Variants in TRPM1 observed in about 807,000 individuals in gnomAD.
TRPM1 encodes the protein transient receptor potential cation channel subfamily M member 1, also known as TRPM1-203 APA Isoform, Intron 10.
In TRPM1, 113 loss-of-function variants were observed where a neutral mutation model predicts 149.4. That is an observed-to-expected ratio of 0.76 (90% confidence interval 0.65 to 0.88). The LOEUF (loss-of-function observed/expected upper bound fraction) is 0.88, where lower values mean the gene tolerates loss of function less well. Among genes scored for constraint, TRPM1 ranks in the 40% least tolerant of loss-of-function variants. The pLI is 0.00. For synonymous variants in TRPM1, 741 were observed against 759.5 expected (o/e 0.98, Z 0.40); for missense variants, 1,976 against 2,038.7 (o/e 0.97, Z 0.59).
rs562954379 is a variant in TRPM1 at position 31,080,378 on chromosome 15, A to T, written c.3+975T>A. 5.9e-5 allele frequency among the ~76,000 whole-genome samples: 9 copies of T among 152,362 alleles called. No homozygotes were observed. The South Asian group carries it at 1.7e-3, about 28-fold the overall frequency. On this transcript the variant is annotated intron_variant, in intron 2 of 27. Transcript: ENST00000256552. The stretch of plus-strand genomic sequence containing the variant: ...AAGTGCACATCGCCTGTCATGGAAC[A>T]AATATTTATTATGAGGCTCTGGATA...
chr15:31,073,265 A>G (rs2034606109), intron 3 of TRPM1, among the ~76,000 whole-genome samples: 1 of 152,102 alleles, frequency 6.6e-6, no homozygotes, highest in South Asian at 2.1e-4. Context: ...GACGACTACT[A>G]TTTCGCCATT....
chr15:31,026,239 G>T lies in TRPM1; in HGVS notation c.3529C>A (p.Leu1177Met). 1 of 1,612,152 alleles carries T rather than the reference G, an allele frequency of 6.2e-7. No individual in the cohort carries two copies. The highest frequency in any genetic ancestry group is 8.5e-7 in the Non-Finnish European group (1 of 1,180,024). Residue 1177 changes from leucine (L) to methionine (M), a missense_variant, in exon 27 of 28, where the codon CTG becomes ATG. Leu to Met is a conservative substitution (Grantham distance 15). Around this residue, in one of 3 missense-constraint regions of TRPM1, gnomAD observed 572 missense variants for 578.9 expected, o/e 0.99. Transcript: ENST00000256552. The part of the protein sequence containing the change: ...LFLSDEELKR[L>M]HEFEEQCVQE... ...ACGCACTGCTCCTCGAACTCATGCA[G>T]CCTCTTTAGCTCCTCGTCGCTAAGG...
rs1323148506 is a variant in TRPM1, at chr15:31,002,156, G to T, written c.4544C>A (p.Ala1515Glu). Residue 1515 changes from alanine to glutamate, a missense_variant, in exon 28 of 28, where the codon GCA becomes GAA. Physicochemically the swap from Ala to Glu is moderately radical, Grantham distance 107. Around this residue, in one of 3 missense-constraint regions of TRPM1, gnomAD observed 572 missense variants for 578.9 expected, o/e 0.99. Transcript: ENST00000256552. ...TDIPYIVSEA[A>E]VQAEHKEQFA... is the part of the protein sequence containing the mutation. ...CTGCTCTTTATGCTCAGCTTGCACT[G>T]CAGCTTCCGACACAATGTAAGGAAT... 1 of 1,614,216 alleles carries T rather than the reference G, an allele frequency of 6.2e-7. No individual in the cohort carries two copies. Among genetic ancestry groups the T allele is most frequent in the African/African-American group, 1.3e-5 (1 of 75,062 alleles).
At chr15:31,160,818 C>A in intron 1 of TRPM1, 1 of 1,437,296 alleles carries the variant, frequency 7.0e-7, no homozygotes, top group South Asian at 1.2e-5. Flanking sequence ...ACCCGCTGGG[C>A]CAGCACTCTG....
chr15:31,111,447 T>C lies in TRPM1; in HGVS notation c.55-34463A>G, dbSNP rs1212313474. 2.0e-5 allele frequency among the ~76,000 whole-genome samples: 3 copies of C among 152,344 alleles called. No individual in the cohort carries two copies. In the East Asian group the frequency reaches 5.8e-4, roughly 29 times the overall value. ...TTCCCAAAATGTGGGTCCAATTATA[T>C]GGAAGTTGATTCGACCTTTTCTTCC... On this transcript the variant is annotated intron_variant, in intron 1 of 26. Transcript: ENST00000542188.
Position 31,110,751 on chromosome 15 carries a change from T to G in TRPM1, c.55-33767A>C, listed in dbSNP as rs2035673064. Among the ~76,000 whole-genome samples, 4 of 152,280 alleles carry G rather than the reference T, an allele frequency of 2.6e-5. No homozygotes were observed. In the South Asian group the frequency reaches 8.3e-4, roughly 32 times the overall value. On this transcript the variant is annotated intron_variant, in intron 1 of 26. Coordinates refer to the TRPM1 transcript ENST00000542188. ...GGCACAGGCCTGTGAGGACCGGCCA[T>G]GGAGTTATCAGTGGGAGGATCGAAA...
intron 7 of TRPM1, 65 bp downstream of exon 7, chr15:31,066,011 C>T: frequency 6.4e-7 from 1 of 1,571,700 alleles, no homozygotes; most frequent in Non-Finnish European, 8.7e-7. Context: ...CAATCTCCTT[C>T]TCAGCCTTGT....
chr15:31,123,340 C>T (rs2035904381), intron 1 of TRPM1, among the ~76,000 whole-genome samples: 1 of 152,084 alleles, frequency 6.6e-6, no homozygotes, highest in African/African-American at 2.4e-5. Flanking sequence ...ATAAACTTTA[C>T]TAAAATGAAA....
chr15:31,122,092 T>C (rs2035888906), intron 1 of TRPM1, among the ~76,000 whole-genome samples: 2 of 152,194 alleles, frequency 1.3e-5, no homozygotes. Flanking sequence ...CACATGATCA[T>C]ATCAATAGAT....
chr15:31,110,894 T>C (rs910235416), intron 1 of TRPM1, among the ~76,000 whole-genome samples: 4 of 151,272 alleles, frequency 2.6e-5, no homozygotes, highest in African/African-American at 9.8e-5. Flanking sequence ...TCTTTCTCTC[T>C]CTCTCTCTCC....
intron 27 of TRPM1, among the ~76,000 whole-genome samples, chr15:31,021,943 T>C (rs917724045): frequency 3.9e-5 from 6 of 152,054 alleles, no homozygotes; most frequent in African/African-American, 1.4e-4. Context: ...AGGTAGACGA[T>C]ATAAAAAAAG....
intron 1 of TRPM1, among the ~76,000 whole-genome samples, chr15:31,113,862 C>A (rs997218374): frequency 3.9e-5 from 6 of 152,174 alleles, no homozygotes; most frequent in Admixed American, 3.9e-4. Context: ...CTCCCACACG[C>A]TGGAAGGGTA....
intron 1 of TRPM1, among the ~76,000 whole-genome samples, chr15:31,093,901 C>T (rs189877787): frequency 1.3e-5 from 2 of 151,992 alleles, no homozygotes; most frequent in East Asian, 1.9e-4. Flanking sequence ...CGCACATGGC[C>T]GACAAAGCAA....
chr15:31,034,325 G>C (rs2033243591), intron 21 of TRPM1, among the ~76,000 whole-genome samples: 1 of 152,224 alleles, frequency 6.6e-6, no homozygotes, highest in Non-Finnish European at 1.5e-5. Context: ...TGAAAATCCT[G>C]TTCCCTCTGT....
chr15:31,014,970 G>C (rs2032305794), intron 27 of TRPM1, among the ~76,000 whole-genome samples: 1 of 151,532 alleles, frequency 6.6e-6, no homozygotes, highest in Admixed American at 6.6e-5. Context: ...CCAGACCACT[G>C]GATTTCCTGC....
chr15:31,138,544 T>A (rs2036119809), intron 1 of TRPM1, among the ~76,000 whole-genome samples: 1 of 147,012 alleles, frequency 6.8e-6, no homozygotes, highest in African/African-American at 2.6e-5. Flanking sequence ...GTTGTCTAAT[T>A]AACAAACAGG....
At chr15:31,146,692 A>G (rs2036228435) in intron 1 of TRPM1, among the ~76,000 whole-genome samples, 1 of 152,206 alleles carries the variant, frequency 6.6e-6, no homozygotes, top group Admixed American at 6.5e-5. Flanking sequence ...TAACTTTGAA[A>G]TGACCAATTC....
chr15:31,123,962 C>T (rs1008706743), intron 1 of TRPM1, among the ~76,000 whole-genome samples: 1 of 152,188 alleles, frequency 6.6e-6, no homozygotes, highest in African/African-American at 2.4e-5. Context: ...TGGGTACATG[C>T]AGTACCTCCA....
At chr15:31,062,842 A>C in intron 8 of TRPM1, 140 bp from the exon 9 acceptor site, 3 of 1,073,714 alleles carry the variant, frequency 2.8e-6, no homozygotes, top group East Asian at 2.5e-5. Context: ...AACCATAGTC[A>C]AACATCGTAT....
Sources: allele counts gnomAD v4.1 joint callset (sites outside exome capture counted in the v4.1 genomes callset), GRCh38; gene constraint gnomAD v4.1.1; regional missense constraint gnomAD v4.1.1; transcripts MANE v1.5; gene names NCBI Gene and HGNC (gene_info 2026-07-23, HGNC 2026-07-21).